SUGCT: variants seen among roughly 807,000 people sequenced by gnomAD.
SUGCT encodes the protein succinyl-CoA:glutarate-CoA transferase, also known as succinyl-CoA:glutarate CoA-transferase.
Under a neutral mutation model 55.0 loss-of-function variants are expected in SUGCT, and 41 were observed. The observed-to-expected ratio is 0.74, with a 90% CI of 0.58 to 0.97. SUGCT has a LOEUF of 0.97. Ranked by LOEUF, SUGCT falls within the 50% of genes least tolerant of loss-of-function variation. The probability of loss-of-function intolerance (pLI) is 0.00; values close to 1 mark genes in which losing one functional copy is unlikely to be tolerated. For synonymous variants in SUGCT, 187 were observed against 200.4 expected (o/e 0.93, Z 0.56); for missense variants, 568 against 547.8 (o/e 1.04, Z -0.37).
chr7:40,408,626 T>C (rs1442852104), intron 9 of SUGCT, among the ~76,000 whole-genome samples: 3 of 152,208 alleles, frequency 2.0e-5, no homozygotes, highest in Non-Finnish European at 4.4e-5. Flanking sequence ...TTTTTTTCTT[T>C]TCTAATTACA....
chr7:40,771,853 A>C (rs1217058573), intron 13 of SUGCT, among the ~76,000 whole-genome samples: 1 of 152,172 alleles, frequency 6.6e-6, no homozygotes, highest in Middle Eastern at 3.2e-3. Context: ...TGAGCACATA[A>C]ATTGGGGAAG....
chr7:40,819,413 G>A (rs1196639022), intron 13 of SUGCT, among the ~76,000 whole-genome samples: 1 of 152,126 alleles, frequency 6.6e-6, no homozygotes, highest in Non-Finnish European at 1.5e-5. Flanking sequence ...ATCCTCTCCA[G>A]CACCTGTTGT....
intron 9 of SUGCT, among the ~76,000 whole-genome samples, chr7:40,360,638 T>C (rs1475835130): frequency 6.6e-6 from 1 of 152,138 alleles, no homozygotes; most frequent in African/African-American, 2.4e-5. Flanking sequence ...AGACTTGAGA[T>C]TTCTTAGAAG....
chr7:40,735,618 A>G (rs939624721), intron 12 of SUGCT, among the ~76,000 whole-genome samples: 1 of 152,194 alleles, frequency 6.6e-6, no homozygotes, highest in African/African-American at 2.4e-5. Flanking sequence ...AGTCCACAGT[A>G]GGTGGGAGAT....
chr7:40,798,483 A>AT (rs929526621), intron 13 of SUGCT, among the ~76,000 whole-genome samples: 3 of 152,266 alleles, frequency 2.0e-5, no homozygotes, highest in East Asian at 1.9e-4. Flanking sequence ...TTTTATAAGA[A>AT]TTTTTTTGTT....
chr7:40,926,307 C>T, the SUGCT span, among the ~76,000 whole-genome samples: 1 of 151,748 alleles, frequency 6.6e-6, no homozygotes, highest in Non-Finnish European at 1.5e-5. Flanking sequence ...GTAAGATTGT[C>T]TTTGTATTGG....
In SUGCT at chr7:40,657,144, A is replaced by G. The variant is rs534771956; in HGVS notation, c.1090-92290A>G. On this transcript the variant is annotated intron_variant, in intron 12 of 13. Transcript: ENST00000335693. ...ATACATTAGGGGTTACATGATTTTA[A>G]GGTGATTTTTTTTTCTTTAAAGCTA... is the stretch of plus-strand genomic sequence containing the variant. Among the ~76,000 whole-genome samples, 47 of 152,308 alleles carry G rather than the reference A, an allele frequency of 3.1e-4. 1 individual carries two copies. In the South Asian group the frequency reaches 9.5e-3, roughly 31 times the overall value.
chr7:40,790,711 C>T (rs146445632), intron 13 of SUGCT, among the ~76,000 whole-genome samples: 9 of 152,164 alleles, frequency 5.9e-5, no homozygotes, highest in African/African-American at 1.9e-4. Flanking sequence ...ATTCTGATAA[C>T]CTTGAGAAAA....
chr7:40,948,323 T>A, the SUGCT span, among the ~76,000 whole-genome samples: 2 of 152,208 alleles, frequency 1.3e-5, no homozygotes, highest in Non-Finnish European at 2.9e-5. Context: ...CTAAAGCAAC[T>A]TTCAATAAGT....
the SUGCT span, among the ~76,000 whole-genome samples, chr7:40,918,349 T>C: frequency 2.0e-5 from 3 of 150,794 alleles, no homozygotes; most frequent in South Asian, 6.3e-4. Flanking sequence ...TAATCCCAGC[T>C]ACTCAGGAGG....
At chr7:40,639,703 G>A (rs1030396567) in intron 12 of SUGCT, among the ~76,000 whole-genome samples, 1 of 150,740 alleles carries the variant, frequency 6.6e-6, no homozygotes, top group Non-Finnish European at 1.5e-5. Flanking sequence ...AGTAGAGACG[G>A]GGTTTCGCCA....
At chr7:40,589,312 G>A (rs1161564714) in intron 12 of SUGCT, among the ~76,000 whole-genome samples, 1 of 151,980 alleles carries the variant, frequency 6.6e-6, no homozygotes, top group Non-Finnish European at 1.5e-5. Context: ...AATTTATAAA[G>A]AACAGAAATT....
chr7:40,377,447 TG>T (rs1334140460), intron 9 of SUGCT, among the ~76,000 whole-genome samples: 1 of 151,544 alleles, frequency 6.6e-6, no homozygotes, highest in African/African-American at 2.4e-5. Context: ...TTCACCATGC[TG>T]GCCAGGCTGG....
chr7:40,909,264 C>T, the SUGCT span, among the ~76,000 whole-genome samples: 1 of 152,178 alleles, frequency 6.6e-6, no homozygotes, highest in Non-Finnish European at 1.5e-5. Context: ...CAGTAGATCA[C>T]TTGGTGATCC....
downstream of SUGCT, among the ~76,000 whole-genome samples, chr7:40,864,044 C>T (rs1429996902): frequency 6.6e-6 from 1 of 152,200 alleles, no homozygotes; most frequent in African/African-American, 2.4e-5. Flanking sequence ...GCGTTTCTTA[C>T]TATCCCAGTA....
At chr7:40,339,171 C>G (rs1796901539) in intron 9 of SUGCT, among the ~76,000 whole-genome samples, 2 of 152,142 alleles carry the variant, frequency 1.3e-5, no homozygotes, top group Admixed American at 1.3e-4. Flanking sequence ...GGGGGTACCT[C>G]CCAGTTAGGC....
chr7:40,312,723 A>C (rs1795227294), intron 8 of SUGCT, among the ~76,000 whole-genome samples: 1 of 152,172 alleles, frequency 6.6e-6, no homozygotes, highest in Non-Finnish European at 1.5e-5. Context: ...TTGGGGCTTA[A>C]TGGAAAAGAT....
intron 9 of SUGCT, among the ~76,000 whole-genome samples, chr7:40,418,786 T>C (rs1232792633): frequency 2.6e-5 from 4 of 152,178 alleles, no homozygotes; most frequent in Non-Finnish European, 5.9e-5. Context: ...GAGAATCATC[T>C]TTTCAGTTTC....
chr7:40,726,456 C>T (rs568077501), intron 12 of SUGCT, among the ~76,000 whole-genome samples: 109 of 152,044 alleles, frequency 7.2e-4, no homozygotes, highest in Non-Finnish European at 1.4e-3. Context: ...AGGGGTTGGT[C>T]TTGCTGTCTC....
Sources: allele counts gnomAD v4.1 joint callset (sites outside exome capture counted in the v4.1 genomes callset), GRCh38; gene constraint gnomAD v4.1.1; transcripts MANE v1.5; gene names NCBI Gene and HGNC (gene_info 2026-07-23, HGNC 2026-07-21).